The following PAPSS1 variants were observed in gnomAD, a reference collection of about 807,000 sequenced individuals.
PAPSS1 encodes the protein 3'-phosphoadenosine 5'-phosphosulfate synthase 1, also known as bifunctional 3'-phosphoadenosine 5'-phosphosulfate synthase 1.
PAPSS1 carries 50 observed loss-of-function variants against 72.0 expected under a neutral mutation model. That is an observed-to-expected ratio of 0.69 (90% CI 0.55 to 0.88). The LOEUF is 0.88. PAPSS1 is among the 40% of genes least tolerant of loss of function. The pLI, the probability that PAPSS1 is intolerant of heterozygous loss-of-function variation, is 0.00. For synonymous variants in PAPSS1, 261 were observed against 263.6 expected (o/e 0.99, Z 0.09); for missense variants, 657 against 782.2 (o/e 0.84, Z 1.91).
chr4:107,673,503 T>G (rs531351486), intron 5 of PAPSS1, among the ~76,000 whole-genome samples: 69 of 150,634 alleles, frequency 4.6e-4, no homozygotes, highest in African/African-American at 1.6e-3. Context: ...AGAAGAGAAG[T>G]TTAGAGAAAA....
chr4:107,617,425 G>T (rs74773387), intron 11 of PAPSS1, among the ~76,000 whole-genome samples: 5,062 of 152,104 alleles, frequency 0.033, 267 homozygotes, highest in African/African-American at 0.11. Flanking sequence ...TTTGAAACAT[G>T]TCTAAGAGTT....
At chr4:107,643,928 AT>A (rs1372049312) in intron 10 of PAPSS1, among the ~76,000 whole-genome samples, 1 of 152,210 alleles carries the variant, frequency 6.6e-6, no homozygotes, top group Non-Finnish European at 1.5e-5. Context: ...AACGATCAGA[AT>A]GGGACAGAAT....
At chr4:107,693,405 T>C (rs542974794) in intron 3 of PAPSS1, among the ~76,000 whole-genome samples, 30 of 152,202 alleles carry the variant, frequency 2.0e-4, no homozygotes, top group Non-Finnish European at 3.2e-4. Context: ...GAAGCCATGG[T>C]AGGGCACATG....
chr4:107,637,590 T>G (rs1726421955), intron 10 of PAPSS1, among the ~76,000 whole-genome samples: 1 of 152,200 alleles, frequency 6.6e-6, no homozygotes, highest in South Asian at 2.1e-4. Flanking sequence ...ATTGAACAAT[T>G]AAAATTTAAG....
At chr4:107,623,468 C>CA (rs1460466118) in intron 11 of PAPSS1, among the ~76,000 whole-genome samples, 1 of 152,174 alleles carries the variant, frequency 6.6e-6, no homozygotes, top group Non-Finnish European at 1.5e-5. Context: ...TTAAGAACCA[C>CA]AAAAAACTAA....
At chr4:107,700,608 T>C (rs756189787) in intron 2 of PAPSS1, among the ~76,000 whole-genome samples, 2 of 152,196 alleles carry the variant, frequency 1.3e-5, no homozygotes, top group Non-Finnish European at 2.9e-5. Flanking sequence ...CGGAGGTGTT[T>C]AAGTCATGAG....
chr4:107,706,706 A>G (rs1049536439), intron 1 of PAPSS1, among the ~76,000 whole-genome samples: 1 of 152,172 alleles, frequency 6.6e-6, no homozygotes, highest in African/African-American at 2.4e-5. Context: ...TCTTATATCA[A>G]TATCTGTACA....
Position 107,631,817 on chromosome 4 carries a change from A to C in PAPSS1, c.1550T>G (p.Phe517Cys). ...CRARMVAGANFYIVGRDPAGM... is the reference protein window; with the variant it reads ...CRARMVAGANCYIVGRDPAGM... ...AGCAGGGTCTCGTCCAACAATGTAA[A>C]AGTTGGCTCCTGCAACCATCCGTGC... Residue 517 changes from phenylalanine (F) to cysteine (C), a missense_variant, in exon 11 of 12, where the codon TTT (phenylalanine) becomes TGT (cysteine). By Grantham distance (205) the Phe-to-Cys change is radical (BLOSUM62 -2). Transcript: ENST00000265174. 1.9e-6 allele frequency: 3 copies of C among 1,614,080 alleles called. No individual in the cohort carries two copies. The South Asian group carries it at 3.3e-5, about 18-fold the overall frequency.
chr4:107,618,355 C>T (rs540159862), intron 11 of PAPSS1, among the ~76,000 whole-genome samples: 1 of 147,526 alleles, frequency 6.8e-6, no homozygotes, highest in South Asian at 2.1e-4. Context: ...CAGAGATACA[C>T]AATGGAGTTG....
intron 10 of PAPSS1, among the ~76,000 whole-genome samples, chr4:107,638,795 A>G (rs1333317355): frequency 6.6e-6 from 1 of 152,248 alleles, no homozygotes; most frequent in African/African-American, 2.4e-5. Flanking sequence ...CTAATATACC[A>G]GTCACTGTAC....
At chr4:107,713,463 A>C (rs1450702558) in intron 1 of PAPSS1, among the ~76,000 whole-genome samples, 1 of 152,040 alleles carries the variant, frequency 6.6e-6, no homozygotes, top group Non-Finnish European at 1.5e-5. Flanking sequence ...TGTACACTTA[A>C]AAATATGAAA....
At chr4:107,703,144 T>G (rs935394057) in intron 1 of PAPSS1, among the ~76,000 whole-genome samples, 1 of 152,254 alleles carries the variant, frequency 6.6e-6, no homozygotes, top group African/African-American at 2.4e-5. Context: ...ATATACCTGT[T>G]GGCTATTTGT....
intron 10 of PAPSS1, among the ~76,000 whole-genome samples, chr4:107,640,021 C>T (rs778647290): frequency 1.1e-4 from 17 of 152,190 alleles, no homozygotes; most frequent in Non-Finnish European, 1.5e-4. Context: ...AACTGATAAT[C>T]CTCATTAAAA....
chr4:107,662,011 G>A (rs1180831290), intron 5 of PAPSS1, among the ~76,000 whole-genome samples: 1 of 151,970 alleles, frequency 6.6e-6, no homozygotes, highest in Non-Finnish European at 1.5e-5. Context: ...CCAAAATCAG[G>A]CTCCTCCTAC....
chr4:107,673,311 G>GA (rs960937560), intron 5 of PAPSS1, among the ~76,000 whole-genome samples: 3 of 151,886 alleles, frequency 2.0e-5, no homozygotes, highest in African/African-American at 7.2e-5. Flanking sequence ...TAAAAACCTT[G>GA]AAAAAAAATT....
chr4:107,623,769 T>C (rs1165310378), intron 11 of PAPSS1, among the ~76,000 whole-genome samples: 2 of 152,212 alleles, frequency 1.3e-5, no homozygotes, highest in African/African-American at 4.8e-5. Flanking sequence ...TGAAAATCAA[T>C]ACTCTCAAGT....
At chr4:107,702,999 C>G (rs753905393) in intron 1 of PAPSS1, among the ~76,000 whole-genome samples, 1 of 152,146 alleles carries the variant, frequency 6.6e-6, no homozygotes, top group Admixed American at 6.5e-5. Flanking sequence ...TTTCTCACAT[C>G]CTCACCAACA....
At chr4:107,620,635 G>C (rs1053459395) in intron 11 of PAPSS1, among the ~76,000 whole-genome samples, 1 of 152,136 alleles carries the variant, frequency 6.6e-6, no homozygotes, top group Non-Finnish European at 1.5e-5. Context: ...TTTCTCAACA[G>C]AGATGATTTT....
intron 1 of PAPSS1, among the ~76,000 whole-genome samples, chr4:107,702,155 AT>A (rs112838543): frequency 1.3e-5 from 2 of 152,208 alleles, no homozygotes; most frequent in African/African-American, 4.8e-5. Flanking sequence ...ACCCACTAGG[AT>A]AGCTGTAATA....
Sources: allele counts gnomAD v4.1 joint callset (sites outside exome capture counted in the v4.1 genomes callset), GRCh38; gene constraint gnomAD v4.1.1; transcripts MANE v1.5; gene names NCBI Gene and HGNC (gene_info 2026-07-23, HGNC 2026-07-21).